CA10: variants seen among roughly 807,000 people sequenced by gnomAD.
CA10 encodes the protein carbonic anhydrase-related protein 10.
In CA10, 14 loss-of-function variants were observed where a neutral mutation model predicts 44.2. The observed-to-expected ratio is 0.32, with a 90% confidence interval of 0.21 to 0.50. CA10 has a LOEUF of 0.50. Among genes scored for constraint, CA10 ranks in the 20% least tolerant of loss-of-function variants. CA10 has a pLI of 0.99. For synonymous variants in CA10, 159 were observed against 141.6 expected, an observed-to-expected ratio of 1.12 and a Z score of -0.87; for missense variants, 350 against 409.7, an observed-to-expected ratio of 0.85 and a Z score of 1.26.
intron 4 of CA10, among the ~76,000 whole-genome samples, chr17:51,680,055 T>C (rs1914787983): frequency 6.6e-6 from 1 of 152,140 alleles, no homozygotes; most frequent in Non-Finnish European, 1.5e-5. Context: ...ACTGAGACCA[T>C]ATGGCCCACG....
intron 5 of CA10, among the ~76,000 whole-genome samples, chr17:51,650,476 G>A (rs1271200338): frequency 3.9e-5 from 6 of 152,180 alleles, no homozygotes; most frequent in Admixed American, 1.3e-4. Flanking sequence ...CCCTTTTTGC[G>A]GTTTCCTGGC....
chr17:52,123,880 A>G (rs942689094), intron 1 of CA10, among the ~76,000 whole-genome samples: 6 of 152,228 alleles, frequency 3.9e-5, no homozygotes, highest in Non-Finnish European at 8.8e-5. Flanking sequence ...ATATTAAGAT[A>G]GATATGGGCA....
At chr17:52,041,794 A>G (rs763327460) in intron 2 of CA10, among the ~76,000 whole-genome samples, 112 of 151,976 alleles carry the variant, frequency 7.4e-4, no homozygotes, top group Non-Finnish European at 1.4e-3. Flanking sequence ...CTCTGCTTCT[A>G]TGAGTTCTAA....
At chr17:52,028,852 G>C (rs1986379366) in intron 2 of CA10, among the ~76,000 whole-genome samples, 1 of 152,126 alleles carries the variant, frequency 6.6e-6, no homozygotes, top group Admixed American at 6.6e-5. Flanking sequence ...GGACTTTTAG[G>C]GCCATGAAGA....
intron 4 of CA10, among the ~76,000 whole-genome samples, chr17:51,670,740 T>C (rs899630317): frequency 1.3e-5 from 2 of 152,220 alleles, no homozygotes. Flanking sequence ...GAGCCAGGGC[T>C]GTGTTAGCCT....
intron 2 of CA10, among the ~76,000 whole-genome samples, chr17:52,002,500 A>AG (rs1985459498): frequency 6.6e-6 from 1 of 152,014 alleles, no homozygotes; most frequent in Non-Finnish European, 1.5e-5. Context: ...TTATGGAGTC[A>AG]AAGAAAAAAA....
intron 3 of CA10, among the ~76,000 whole-genome samples, chr17:51,760,472 C>T (rs958065402): frequency 5.3e-5 from 8 of 151,876 alleles, no homozygotes; most frequent in African/African-American, 1.9e-4. Flanking sequence ...GAGATGGTGG[C>T]GGTATGGAGG....
rs117907180 is a variant in CA10, at chr17:51,654,353, T to C, written c.466-617A>G. Reference sequence around the variant, plus strand: ...CCTTTTTCCTGTTACTTAATTTTTTTAAATTCATTTTTAAAAATCGTGTAT... The same window carrying C: ...CCTTTTTCCTGTTACTTAATTTTTTCAAATTCATTTTTAAAAATCGTGTAT... On this transcript the variant is annotated intron_variant, in intron 4 of 8. Coordinates refer to ENST00000451037, the MANE Select transcript of CA10 (RefSeq NM_020178.5). Among the ~76,000 whole-genome samples the C allele has an allele frequency of 6.6e-3, 999 of 152,328 alleles. 2 individuals carry two copies. The highest frequency in any genetic ancestry group is 0.01 in the Non-Finnish European group (696 of 68,024).
rs77016859 is a variant in CA10 at position 51,873,367 on chromosome 17, A to G, written c.279+57623T>C. On this transcript the variant is annotated intron_variant, in intron 3 of 8. Transcript: ENST00000451037. ...CTCTGAGCCTCGGTATTTTTCCTAT[A>G]AAGAATTGGAAAAACATAAACTCCT... is the stretch of plus-strand genomic sequence containing the variant. Among the ~76,000 whole-genome samples the G allele has an allele frequency of 5.4e-3, 827 of 152,196 alleles. 8 individuals carry two copies. The highest frequency in any genetic ancestry group is 0.019 in the African/African-American group (794 of 41,518).
intron 3 of CA10, among the ~76,000 whole-genome samples, chr17:51,851,684 T>C (rs1249764784): frequency 6.6e-6 from 1 of 152,210 alleles, no homozygotes; most frequent in Non-Finnish European, 1.5e-5. Flanking sequence ...TATCCACATA[T>C]CACCCTTTGT....
At chr17:51,991,027 A>T (rs561947301) in intron 2 of CA10, among the ~76,000 whole-genome samples, 1 of 152,250 alleles carries the variant, frequency 6.6e-6, no homozygotes, top group South Asian at 2.1e-4. Flanking sequence ...CCCTCGGGCA[A>T]GTTACTCAGG....
At chr17:51,914,079 C>A (rs1353434038) in intron 3 of CA10, among the ~76,000 whole-genome samples, 1 of 152,086 alleles carries the variant, frequency 6.6e-6, no homozygotes, top group African/African-American at 2.4e-5. Flanking sequence ...TCCTTTGAGG[C>A]TCATGACTTT....
chr17:51,728,056 TTTG>T (rs957859778), intron 4 of CA10, among the ~76,000 whole-genome samples: 4 of 152,040 alleles, frequency 2.6e-5, no homozygotes, highest in Non-Finnish European at 4.4e-5. Flanking sequence ...CAGCTAATTT[TTTG>T]TTGTTGTTGT....
chr17:51,934,835 T>C (rs958756455), intron 2 of CA10, among the ~76,000 whole-genome samples: 11 of 152,138 alleles, frequency 7.2e-5, no homozygotes, highest in African/African-American at 2.4e-4. Context: ...AATTAAGATA[T>C]TGAAGCTAGT....
intron 3 of CA10, among the ~76,000 whole-genome samples, chr17:51,848,000 GCTA>G (rs1003916657): frequency 6.6e-6 from 1 of 152,144 alleles, no homozygotes; most frequent in Non-Finnish European, 1.5e-5. Context: ...TTCAGTTACT[GCTA>G]TTGGCTTTAC....
At chr17:51,926,447 C>T (rs1982432562) in intron 3 of CA10, among the ~76,000 whole-genome samples, 1 of 152,156 alleles carries the variant, frequency 6.6e-6, no homozygotes, top group East Asian at 1.9e-4. Flanking sequence ...TTCCTTTTGG[C>T]ACTGCAACAA....
intron 2 of CA10, among the ~76,000 whole-genome samples, chr17:52,021,681 A>G (rs941683737): frequency 6.6e-6 from 1 of 152,110 alleles, no homozygotes; most frequent in African/African-American, 2.4e-5. Context: ...GAAAAAAGGG[A>G]GAAGATTCAA....
chr17:51,655,818 G>C (rs1374314569), intron 4 of CA10, among the ~76,000 whole-genome samples: 1 of 152,250 alleles, frequency 6.6e-6, no homozygotes, highest in Non-Finnish European at 1.5e-5. Context: ...TGTTACTGCT[G>C]CTCTTGAAAT....
chr17:51,868,121 G>A (rs535657488), intron 3 of CA10, among the ~76,000 whole-genome samples: 12 of 150,460 alleles, frequency 8.0e-5, no homozygotes, highest in East Asian at 5.9e-4. Flanking sequence ...TAGCTCTCTC[G>A]TATCTGGAAA....
Sources: gnomAD v4.1 joint callset for allele counts (sites outside exome capture counted in the v4.1 genomes callset) on GRCh38, gnomAD v4.1.1 for gene constraint, MANE v1.5 for transcripts, NCBI Gene and HGNC (gene_info 2026-07-23, HGNC 2026-07-21) for gene names.